The following KLF15 variants were observed in gnomAD, a reference collection of about 807,000 sequenced individuals.
The protein encoded by KLF15 is Krueppel-like factor 15.
A neutral mutation model predicts 24.6 loss-of-function variants in KLF15; 4 were observed. The observed-to-expected ratio is 0.16, with a 90% CI of 0.08 to 0.37. The LOEUF (loss-of-function observed/expected upper bound fraction) is 0.37, where lower values mean the gene tolerates loss of function less well. Ranked by LOEUF, KLF15 falls within the 10% of genes least tolerant of loss-of-function variation. KLF15 has a pLI of 1.00. For synonymous variants in KLF15, 246 were observed against 236.3 expected (o/e 1.04, Z -0.37); for missense variants, 496 against 560.6 (o/e 0.88, Z 1.16).
chr3:126,316,542 G>GGAGTAGGGGAGGGAGTACACGGGCCA, the KLF15 span, among the ~76,000 whole-genome samples: 16 of 141,368 alleles, frequency 1.1e-4, no homozygotes, highest in African/African-American at 3.5e-4. Flanking sequence ...TACATGGGCC[G>GGAGTAGGGGAGGGAGTACACGGGCCA]GAGTGGGGAA....
At chr3:126,298,968 T>C in the KLF15 span, among the ~76,000 whole-genome samples, 1 of 152,180 alleles carries the variant, frequency 6.6e-6, no homozygotes, top group Non-Finnish European at 1.5e-5. Context: ...TGGTTCTATA[T>C]AAATTTTAGG....
chr3:126,307,791 C>T, the KLF15 span, among the ~76,000 whole-genome samples: 12 of 152,166 alleles, frequency 7.9e-5, no homozygotes, highest in Non-Finnish European at 1.5e-4. Context: ...CTGGGCTGTG[C>T]GTCCCCAGCT....
chr3:126,324,755 C>CT, the KLF15 span, among the ~76,000 whole-genome samples: 5,489 of 109,820 alleles, frequency 0.05, 414 homozygotes, highest in African/African-American at 0.17. Flanking sequence ...GTGATGTTAA[C>CT]TTTTTTTTTT....
intron 2 of KLF15, among the ~76,000 whole-genome samples, chr3:126,345,433 A>AG (rs1370488996): frequency 6.6e-6 from 1 of 152,048 alleles, no homozygotes; most frequent in African/African-American, 2.4e-5. Flanking sequence ...AAGCAGCCCT[A>AG]GGGGGGCAGA....
At chr3:126,333,887 A>C in the KLF15 span, among the ~76,000 whole-genome samples, 24 of 148,094 alleles carry the variant, frequency 1.6e-4, no homozygotes, top group Non-Finnish European at 3.6e-4. Flanking sequence ...CTAAATATAT[A>C]TGCACCCAAT....
intron 2 of KLF15, among the ~76,000 whole-genome samples, chr3:126,351,127 C>A (rs900044143): frequency 4.8e-4 from 73 of 152,336 alleles, no homozygotes; most frequent in African/African-American, 1.8e-3. Context: ...CCATTTGAGG[C>A]CTGATTTCCC....
In KLF15 at chr3:126,356,934, T is replaced by G. The variant is rs934540660; in HGVS notation, c.-26+303A>C. 6.6e-6 allele frequency among the ~76,000 whole-genome samples: 1 copy of G among 150,920 alleles called. No individual in the cohort carries two copies. Among genetic ancestry groups the G allele is most frequent in the Non-Finnish European group, 1.5e-5 (1 of 67,650 alleles). On this transcript the variant is annotated intron_variant, in intron 1 of 2. Coordinates refer to ENST00000296233, the MANE Select transcript of KLF15 (RefSeq NM_014079.4). This position sits in a 1 kb window ranked among gnomAD's most constrained non-coding sequence, Gnocchi z 4.4. The stretch of plus-strand genomic sequence containing the variant: ...CACCAGGCCGCGCCGGTGCCCACCA[T>G]ATGGGAGGGCCGGCCCGCAAGGCGC...
the KLF15 span, among the ~76,000 whole-genome samples, chr3:126,312,563 C>T: frequency 4.6e-5 from 7 of 152,192 alleles, no homozygotes; most frequent in African/African-American, 1.7e-4. Flanking sequence ...TTAGGGGGCC[C>T]GCCTGGCACC....
the KLF15 span, among the ~76,000 whole-genome samples, chr3:126,294,444 C>T: frequency 6.6e-6 from 1 of 152,236 alleles, no homozygotes; most frequent in Non-Finnish European, 1.5e-5. Flanking sequence ...GTCTTCGTCT[C>T]TCATTCGTTC....
the KLF15 span, among the ~76,000 whole-genome samples, chr3:126,304,293 G>A: frequency 1.3e-5 from 2 of 152,160 alleles, no homozygotes; most frequent in Non-Finnish European, 2.9e-5. Flanking sequence ...GTAGATAAAT[G>A]CTGCTCTAAT....
intron 1 of KLF15, among the ~76,000 whole-genome samples, chr3:126,355,739 G>C (rs1025297928): frequency 5.3e-5 from 8 of 152,330 alleles, no homozygotes; most frequent in East Asian, 1.9e-4. Context: ...TGGAAGGTGC[G>C]GGGGAGAGCG....
At chr3:126,307,034 T>A in the KLF15 span, among the ~76,000 whole-genome samples, 1 of 152,160 alleles carries the variant, frequency 6.6e-6, no homozygotes, top group Non-Finnish European at 1.5e-5. Flanking sequence ...CTTAACCAAC[T>A]ATCTTTCCAG....
chr3:126,349,997 C>T (rs574930124), intron 2 of KLF15, among the ~76,000 whole-genome samples: 1 of 152,342 alleles, frequency 6.6e-6, no homozygotes, highest in Admixed American at 6.5e-5. Context: ...GAGCCCTGCA[C>T]GCCTGCCCTG....
intron 2 of KLF15, among the ~76,000 whole-genome samples, chr3:126,348,455 G>A (rs1460042682): frequency 6.6e-6 from 1 of 152,226 alleles, no homozygotes; most frequent in Admixed American, 6.5e-5. Flanking sequence ...ATACCAGCTA[G>A]GACCACCAGG....
chr3:126,299,747 CAAAAAAAAA>C, the KLF15 span, among the ~76,000 whole-genome samples: 702 of 55,990 alleles, frequency 0.013, 13 homozygotes, highest in African/African-American at 0.053. Context: ...CACTCCATCT[CAAAAAAAAA>C]AAAAAAAAAA....
the KLF15 span, among the ~76,000 whole-genome samples, chr3:126,335,007 G>T: frequency 2.4e-5 from 3 of 124,294 alleles, no homozygotes; most frequent in African/African-American, 9.9e-5. Flanking sequence ...AGGAGGAACT[G>T]GTACCATTCC....
chr3:126,320,951 T>C, the KLF15 span, among the ~76,000 whole-genome samples: 1 of 152,040 alleles, frequency 6.6e-6, no homozygotes, highest in Admixed American at 6.6e-5. Flanking sequence ...CTGGAATTCT[T>C]CTATTTGATC....
chr3:126,337,942 G>T (rs976882154), downstream of KLF15, among the ~76,000 whole-genome samples: 2 of 152,194 alleles, frequency 1.3e-5, no homozygotes, highest in Admixed American at 1.3e-4. Flanking sequence ...TGGGTGCCTT[G>T]TAGAGAAGGC....
At position 126,351,861 on chromosome 3, in the gene KLF15, G is replaced by C; in HGVS notation, c.1062C>G (p.Thr354=). 6.2e-7 allele frequency: 1 copy of C among 1,613,816 alleles called. No homozygotes were observed. The highest frequency in any genetic ancestry group is 1.1e-5 in the South Asian group (1 of 91,048). The change falls in exon 2 of 3, where the codon ACC becomes ACG. Residue 354 remains threonine (T), a synonymous_variant. Coordinates refer to ENST00000296233, the MANE Select transcript of KLF15 (RefSeq NM_014079.4). ...RHTGEKPFAC[T]WPGCGWRFSR... is the part of the protein sequence containing the mutation. Reference sequence around the variant, plus strand: ...CTGACCTCCAGCCGCAGCCTGGCCAGGTGCAGGCGAAGGGCTTCTCACCCG... The same window carrying C: ...CTGACCTCCAGCCGCAGCCTGGCCACGTGCAGGCGAAGGGCTTCTCACCCG...
Sources: allele counts gnomAD v4.1 joint callset (sites outside exome capture counted in the v4.1 genomes callset), GRCh38; gene constraint gnomAD v4.1.1; non-coding constraint Gnocchi (gnomAD v3.1); transcripts MANE v1.5; gene names NCBI Gene and HGNC (gene_info 2026-07-23, HGNC 2026-07-21).